CDH18: variants seen among roughly 807,000 people sequenced by gnomAD.
CDH18 encodes cadherin 18, also known as cadherin-18.
In CDH18, 31 loss-of-function variants were observed where a neutral mutation model predicts 67.9. That is an observed-to-expected ratio of 0.46 (90% CI 0.34 to 0.62). The LOEUF is 0.62. Ranked by LOEUF, CDH18 falls within the 20% of genes least tolerant of loss-of-function variation. The pLI is 0.01. For synonymous variants in CDH18, 362 were observed against 347.2 expected (o/e 1.04, Z -0.48); for missense variants, 890 against 975.5 (o/e 0.91, Z 1.17).
chr5:19,658,282 C>T (rs1316486872), intron 5 of CDH18, among the ~76,000 whole-genome samples: 1 of 151,982 alleles, frequency 6.6e-6, no homozygotes, highest in African/African-American at 2.4e-5. Context: ...CTCATGTCAA[C>T]ACATAAAAAT....
intron 1 of CDH18, among the ~76,000 whole-genome samples, chr5:20,454,567 CTGT>C (rs2150212172): frequency 6.6e-6 from 1 of 152,080 alleles, no homozygotes; most frequent in East Asian, 1.9e-4. Flanking sequence ...GAGGAATTTG[CTGT>C]GAAGGACTGC....
At chr5:20,096,327 C>T (rs1745986258) in intron 2 of CDH18, among the ~76,000 whole-genome samples, 1 of 152,024 alleles carries the variant, frequency 6.6e-6, no homozygotes, top group African/African-American at 2.4e-5. Flanking sequence ...ATACTCAGCA[C>T]AATCATTTTT....
intron 1 of CDH18, chr5:20,304,980 G>T (rs1736293444): frequency 6.2e-7 from 1 of 1,613,906 alleles, no homozygotes; most frequent in Non-Finnish European, 8.5e-7. Context: ...CCAACTGCTT[G>T]TGATAGGCAT....
intron 2 of CDH18, among the ~76,000 whole-genome samples, chr5:19,849,822 G>T (rs983440581): frequency 5.5e-5 from 8 of 146,068 alleles, no homozygotes; most frequent in Non-Finnish European, 9.0e-5. Context: ...ACACACAGAG[G>T]CACTCTATAT....
chr5:19,999,884 A>C (rs1175568648), intron 2 of CDH18, among the ~76,000 whole-genome samples: 1 of 152,220 alleles, frequency 6.6e-6, no homozygotes, highest in Non-Finnish European at 1.5e-5. Flanking sequence ...AATCCAATGA[A>C]TCAAGCTCCA....
chr5:19,512,373 G>A (rs1256704225), intron 10 of CDH18, among the ~76,000 whole-genome samples: 1 of 152,070 alleles, frequency 6.6e-6, no homozygotes, highest in African/African-American at 2.4e-5. Flanking sequence ...TATTTCAAAT[G>A]ATATTTTTAA....
rs1737244807 is a variant in CDH18, at chr5:20,314,051, A to G, written c.-579-58546T>C. Among the ~76,000 whole-genome samples the G allele has an allele frequency of 2.0e-5, 3 of 152,160 alleles. No individual in the cohort carries two copies. In the Middle Eastern group the frequency reaches 0.01, roughly 518 times the overall value. Reference sequence around the variant, plus strand: ...ATTTAACAATGTGATAGAATATGCAAATCCTCTTAAAAATTTACATACAAT... The same window carrying G: ...ATTTAACAATGTGATAGAATATGCAGATCCTCTTAAAAATTTACATACAAT... On this transcript the variant is annotated intron_variant, in intron 1 of 14. Coordinates refer to the CDH18 transcript ENST00000507958.
intron 2 of CDH18, among the ~76,000 whole-genome samples, chr5:20,226,772 A>G (rs986366433): frequency 1.3e-5 from 2 of 152,118 alleles, no homozygotes; most frequent in East Asian, 3.9e-4. Context: ...ACATAAAAAT[A>G]TACTCAAGCC....
intron 1 of CDH18, among the ~76,000 whole-genome samples, chr5:20,444,528 C>T (rs1487322383): frequency 2.0e-5 from 3 of 152,110 alleles, no homozygotes; most frequent in African/African-American, 4.8e-5. Context: ...CAGAGCAAGC[C>T]TCTGTCTCAA....
At position 19,657,902 on chromosome 5, in the gene CDH18, G is replaced by A. The variant is rs554460196; in HGVS notation, c.644-45301C>T. Among the ~76,000 whole-genome samples the A allele has an allele frequency of 2.6e-5, 4 of 152,168 alleles. No homozygotes were observed. The South Asian group carries it at 6.2e-4, about 24-fold the overall frequency. On this transcript the variant is annotated intron_variant, in intron 5 of 12. Transcript: ENST00000382275. ...TTGCCTTTAGGAACTGTGTGCCAGC[G>A]GCTAAGATTTTGAACATGAGGGCCT...
At chr5:20,548,439 T>TTGTGTGTGTGTGTG (rs70954668) in intron 1 of CDH18, among the ~76,000 whole-genome samples, 16 of 146,778 alleles carry the variant, frequency 1.1e-4, no homozygotes, top group African/African-American at 4.0e-4. Context: ...GAGAACATGT[T>TTGTGTGTGTGTGTG]TGTGTGTGTG....
chr5:20,252,978 T>C (rs945185428), intron 2 of CDH18, among the ~76,000 whole-genome samples: 5 of 151,878 alleles, frequency 3.3e-5, no homozygotes, highest in Admixed American at 6.6e-5. Flanking sequence ...TTTAATTCAT[T>C]TGAGAAAACA....
chr5:19,658,291 A>T (rs999819471), intron 5 of CDH18, among the ~76,000 whole-genome samples: 1 of 152,118 alleles, frequency 6.6e-6, no homozygotes, highest in African/African-American at 2.4e-5. Context: ...ACACATAAAA[A>T]TTATTTTTAA....
intron 6 of CDH18, among the ~76,000 whole-genome samples, chr5:19,596,559 GATAA>G (rs1430357830): frequency 2.0e-5 from 3 of 152,068 alleles, no homozygotes; most frequent in Non-Finnish European, 4.4e-5. Flanking sequence ...AGTTAACAGA[GATAA>G]ATAAATACAT....
intron 2 of CDH18, among the ~76,000 whole-genome samples, chr5:20,040,956 A>G (rs955492762): frequency 6.6e-6 from 1 of 152,198 alleles, no homozygotes; most frequent in African/African-American, 2.4e-5. Context: ...TTGCCATGAG[A>G]AAAGCACTAT....
intron 9 of CDH18, among the ~76,000 whole-genome samples, chr5:19,537,373 CTCTT>C (rs1749585642): frequency 6.6e-6 from 1 of 151,958 alleles, no homozygotes; most frequent in Non-Finnish European, 1.5e-5. Context: ...TTCCCCCTCT[CTCTT>C]TCTCTCTCTC....
chr5:20,342,665 C>T (rs1241671222), intron 1 of CDH18, among the ~76,000 whole-genome samples: 1 of 152,104 alleles, frequency 6.6e-6, no homozygotes, highest in Non-Finnish European at 1.5e-5. Context: ...GCAGAAGGAA[C>T]ATAGAGTTGG....
chr5:20,500,610 C>A (rs1394229314), intron 1 of CDH18, among the ~76,000 whole-genome samples: 2 of 152,092 alleles, frequency 1.3e-5, no homozygotes, highest in Non-Finnish European at 2.9e-5. Flanking sequence ...TTCGGACATG[C>A]ACTGCTCCTT....
chr5:19,571,807 G>A lies in CDH18; in HGVS notation c.1025C>T (p.Ser342Leu), dbSNP rs1741456329. 2 of 1,613,044 alleles carry A rather than the reference G, an allele frequency of 1.2e-6. No individual in the cohort carries two copies. The highest frequency in any genetic ancestry group is 1.3e-5 in the African/African-American group (1 of 74,834). Residue 342 changes from serine to leucine, a missense_variant, in exon 8 of 13, where the codon TCA becomes TTA. By Grantham distance (145) the Ser-to-Leu change is moderately radical. This residue lies in a region of CDH18 where 656 missense variants were observed against 668.1 expected (regional missense o/e 0.98). Transcript: ENST00000382275. ...TGCTCCTTCTATGTTGAGGGTATAT[G>A]ACTTCTTTTTCTCATAGTTCAGTGG... ...KKPLNYEKKK[S>L]YTLNIEGANT...
Sources: allele counts gnomAD v4.1 joint callset (sites outside exome capture counted in the v4.1 genomes callset), GRCh38; gene constraint gnomAD v4.1.1; regional missense constraint gnomAD v4.1.1; transcripts MANE v1.5; gene names NCBI Gene and HGNC (gene_info 2026-07-23, HGNC 2026-07-21).